Variants in CNOT6 observed in about 807,000 individuals in gnomAD.
CNOT6 encodes the protein CCR4-NOT transcription complex subunit 6.
Under a neutral mutation model 61.2 loss-of-function variants are expected in CNOT6, and 12 were observed. The ratio of observed to expected loss-of-function variants is 0.20; its 90% CI spans 0.13 to 0.32. CNOT6 has a LOEUF of 0.32. CNOT6 is among the 10% of genes least tolerant of loss of function. The pLI is 1.00. For missense variants in CNOT6, 405 were observed against 663.9 expected, an observed-to-expected ratio of 0.61 and a Z score of 4.28; for synonymous variants, 225 against 240.6, an observed-to-expected ratio of 0.94 and a Z score of 0.60.
intron 2 of CNOT6, among the ~76,000 whole-genome samples, chr5:180,546,183 C>T (rs1052641472): frequency 3.9e-5 from 6 of 151,978 alleles, no homozygotes; most frequent in African/African-American, 1.5e-4. Flanking sequence ...CATGAGCCAC[C>T]GCACCCAGCC....
rs937625774 is a variant in CNOT6, at chr5:180,574,298, T to G, written c.*98T>G. Reference sequence around the variant, plus strand: ...TGGCCACTGAGGATTTTTGCTTGCTTAAGAATGATTTGGACTTTCAATCTG... The same window carrying G: ...TGGCCACTGAGGATTTTTGCTTGCTGAAGAATGATTTGGACTTTCAATCTG... On this transcript the variant is annotated 3_prime_UTR_variant, in exon 12 of 12. Coordinates refer to ENST00000261951, the MANE Select transcript of CNOT6 (RefSeq NM_001370472.1). 1 of 986,110 alleles carries G rather than the reference T, an allele frequency of 1.0e-6. No homozygotes were observed. Among genetic ancestry groups the G allele is most frequent in the Non-Finnish European group, 1.6e-6 (1 of 630,958 alleles). 61.1% of individuals were successfully genotyped at this position (986,110 alleles called of 1,614,324 possible).
In CNOT6 at chr5:180,503,898, C is replaced by T. The variant is rs574441905; in HGVS notation, c.-3+9135C>T. 3.9e-5 allele frequency among the ~76,000 whole-genome samples: 6 copies of T among 152,290 alleles called. No individual in the cohort carries two copies. The South Asian group carries it at 1.2e-3, about 32-fold the overall frequency. ...GGGATTACAGGCGTGAGCCACTGCG[C>T]CTGGCCCCTTTTTCTTCTTAACACA... On this transcript the variant is annotated intron_variant, in intron 1 of 11. Transcript: ENST00000261951.
chr5:180,573,650 G>A (rs1217160456), intron 11 of CNOT6, among the ~76,000 whole-genome samples: 1 of 147,548 alleles, frequency 6.8e-6, no homozygotes, highest in Non-Finnish European at 1.5e-5. Context: ...GTACCTATAG[G>A]TCCCCTCACA....
chr5:180,552,681 C>T (rs1226391396), intron 3 of CNOT6, among the ~76,000 whole-genome samples: 3 of 151,818 alleles, frequency 2.0e-5, no homozygotes, highest in Admixed American at 1.3e-4. Context: ...AAACTGCATG[C>T]GTTACATTGC....
chr5:180,512,324 G>A (rs952559914), intron 1 of CNOT6, among the ~76,000 whole-genome samples: 1 of 152,200 alleles, frequency 6.6e-6, no homozygotes, highest in African/African-American at 2.4e-5. Flanking sequence ...GTGTGAAAAT[G>A]GTATCACTAA....
At chr5:180,549,033 A>T (rs1439901440) in intron 2 of CNOT6, among the ~76,000 whole-genome samples, 1 of 152,040 alleles carries the variant, frequency 6.6e-6, no homozygotes, top group African/African-American at 2.4e-5. Context: ...CTACTATTTG[A>T]TTATAAAGGT....
At chr5:180,549,578 G>A (rs1759494435) in intron 2 of CNOT6, among the ~76,000 whole-genome samples, 1 of 152,058 alleles carries the variant, frequency 6.6e-6, no homozygotes, top group Non-Finnish European at 1.5e-5. Context: ...GAACCCGGGA[G>A]GCGGAGCTTG....
chr5:180,538,253 A>G (rs1758820390), intron 2 of CNOT6, among the ~76,000 whole-genome samples: 1 of 151,622 alleles, frequency 6.6e-6, no homozygotes, highest in South Asian at 2.1e-4. Context: ...GTTAGCCAGG[A>G]TGGTCTCAAT....
chr5:180,511,827 G>A (rs898595538), intron 1 of CNOT6, among the ~76,000 whole-genome samples: 2 of 151,986 alleles, frequency 1.3e-5, no homozygotes, highest in African/African-American at 4.8e-5. Flanking sequence ...TCTCTCTGTT[G>A]CCCAGGCTGG....
At chr5:180,496,549 A>T (rs142778352) in intron 1 of CNOT6, among the ~76,000 whole-genome samples, 1 of 152,290 alleles carries the variant, frequency 6.6e-6, no homozygotes, top group East Asian at 1.9e-4. Context: ...AAAAAAGATG[A>T]TGCAATTGCC....
intron 3 of CNOT6, among the ~76,000 whole-genome samples, chr5:180,551,552 T>C (rs1189324756): frequency 6.6e-6 from 1 of 152,130 alleles, no homozygotes; most frequent in Admixed American, 6.6e-5. Context: ...ATTATTATTA[T>C]TATTTTACTT....
At chr5:180,550,237 G>A (rs939367552) in intron 3 of CNOT6, 120 bp downstream of exon 3, 2 of 686,766 alleles carry the variant, frequency 2.9e-6, no homozygotes, top group African/African-American at 3.6e-5. Flanking sequence ...GGATCATGAG[G>A]TCAGGAGATC....
rs935934511 is a variant in CNOT6, at chr5:180,575,695, A to C, written c.*1495A>C. 3 of 152,602 alleles carry C rather than the reference A, an allele frequency of 2.0e-5. No homozygotes were observed. Among genetic ancestry groups the C allele is most frequent in the Admixed American group, 2.0e-4 (3 of 15,274 alleles). The allele number at this position is 152,602 out of a possible 1,614,324, so 9.5% of individuals were successfully genotyped here. The stretch of plus-strand genomic sequence containing the variant: ...CCAGCTTTAACTTTGCAAAGTGAAC[A>C]TGTACATGGTCTGCTCTCATTTATT... On this transcript the variant is annotated 3_prime_UTR_variant, in exon 12 of 12. Coordinates refer to ENST00000261951, the MANE Select transcript of CNOT6 (RefSeq NM_001370472.1).
At position 180,577,023 on chromosome 5, in the gene CNOT6, A is replaced by G. The variant is rs1761032765; in HGVS notation, c.*2823A>G. 1 of 152,566 alleles carries G rather than the reference A, an allele frequency of 6.6e-6. No individual in the cohort carries two copies. Among genetic ancestry groups the G allele is most frequent in the Admixed American group, 6.6e-5 (1 of 15,258 alleles). The allele number at this position is 152,566 out of a possible 1,614,324, so 9.5% of individuals were successfully genotyped here. A position where few individuals can be genotyped will look rare whatever the true frequency, so the allele number is the denominator to read the frequency against. On this transcript the variant is annotated 3_prime_UTR_variant, in exon 12 of 12. Coordinates refer to ENST00000261951, the MANE Select transcript of CNOT6 (RefSeq NM_001370472.1). Reference sequence around the variant, plus strand: ...TCCTGAAGTACAGCTTTACCATATTAGTGGTCATTATTTATGCTTTGAGAG... The same window carrying G: ...TCCTGAAGTACAGCTTTACCATATTGGTGGTCATTATTTATGCTTTGAGAG...
At chr5:180,548,599 A>G (rs911663121) in intron 2 of CNOT6, among the ~76,000 whole-genome samples, 20 of 152,192 alleles carry the variant, frequency 1.3e-4, no homozygotes, top group Non-Finnish European at 2.5e-4. Flanking sequence ...AGTGCTGTCC[A>G]AGGAGTAAGC....
At chr5:180,547,895 G>T (rs1219878422) in intron 2 of CNOT6, among the ~76,000 whole-genome samples, 1 of 152,016 alleles carries the variant, frequency 6.6e-6, no homozygotes, top group Non-Finnish European at 1.5e-5. Flanking sequence ...CAGCATACCT[G>T]GCTAATTTTT....
chr5:180,499,195 A>G lies in CNOT6; in HGVS notation c.-3+4432A>G, dbSNP rs184929703. On this transcript the variant is annotated intron_variant, in intron 1 of 11. Transcript: ENST00000261951. ...CTATAATACAGGGTCATTTAAAATC[A>G]AAGTGTCAGTATGTTTTGGAAGAAG... 3.9e-5 allele frequency among the ~76,000 whole-genome samples: 6 copies of G among 152,354 alleles called. No homozygotes were observed. The East Asian group carries it at 1.2e-3, about 29-fold the overall frequency.
chr5:180,534,627 C>T (rs1318294638), intron 2 of CNOT6: 1 of 152,422 alleles, frequency 6.6e-6, no homozygotes, highest in African/African-American at 2.4e-5. Context: ...TCCGAGAGGC[C>T]CTCGGAATCC....
At chr5:180,537,951 C>T (rs1441330198) in intron 2 of CNOT6, among the ~76,000 whole-genome samples, 1 of 151,134 alleles carries the variant, frequency 6.6e-6, no homozygotes, top group Non-Finnish European at 1.5e-5. Flanking sequence ...GGTGCAGTGT[C>T]TCACACCAGA....
Sources: gnomAD v4.1 joint callset for allele counts (sites outside exome capture counted in the v4.1 genomes callset) on GRCh38, gnomAD v4.1.1 for gene constraint, MANE v1.5 for transcripts, NCBI Gene and HGNC (gene_info 2026-07-23, HGNC 2026-07-21) for gene names.